AOPEP: variants seen among roughly 807,000 people sequenced by gnomAD.
AOPEP encodes aminopeptidase O.
A neutral mutation model predicts 98.1 loss-of-function variants in AOPEP; 77 were observed. That is an observed-to-expected ratio of 0.78 (90% CI 0.65 to 0.95). AOPEP has a LOEUF of 0.95. AOPEP is among the 40% of genes least tolerant of loss of function. The probability of loss-of-function intolerance (pLI) is 0.00; values close to 1 mark genes in which losing one functional copy is unlikely to be tolerated. For synonymous variants in AOPEP, 346 were observed against 365.3 expected (o/e 0.95, Z 0.60); for missense variants, 1,024 against 1,024.7 (o/e 1.00, Z 0.01).
chr9:94,924,633 C>G (rs544499194), intron 6 of AOPEP, among the ~76,000 whole-genome samples: 4 of 152,242 alleles, frequency 2.6e-5, no homozygotes, highest in African/African-American at 7.2e-5. Flanking sequence ...CCAGAGTCAT[C>G]TCAGATGTCT....
chr9:95,054,416 A>G (rs902313525), intron 13 of AOPEP, among the ~76,000 whole-genome samples: 1 of 152,208 alleles, frequency 6.6e-6, no homozygotes, highest in African/African-American at 2.4e-5. Context: ...GTTGTAAGAG[A>G]TCCAGTTGAC....
intron 10 of AOPEP, among the ~76,000 whole-genome samples, 173 bp from the exon 11 acceptor site, chr9:94,979,194 T>G (rs1370886329): frequency 6.6e-6 from 1 of 152,172 alleles, no homozygotes; most frequent in Non-Finnish European, 1.5e-5. Context: ...AGCGGTCTCA[T>G]GTGACTGGGC....
chr9:95,046,843 A>C (rs1006920178), intron 13 of AOPEP, among the ~76,000 whole-genome samples: 2 of 152,198 alleles, frequency 1.3e-5, no homozygotes, highest in Non-Finnish European at 2.9e-5. Flanking sequence ...ACTTCAGGAA[A>C]CTAAAGTTGT....
chr9:94,767,666 A>G (rs1839923428), intron 2 of AOPEP, among the ~76,000 whole-genome samples: 1 of 152,244 alleles, frequency 6.6e-6, no homozygotes, highest in African/African-American at 2.4e-5. Flanking sequence ...CAGATGAGAA[A>G]TAACTGTCTT....
intron 13 of AOPEP, among the ~76,000 whole-genome samples, chr9:95,034,008 TGTTA>T (rs958747481): frequency 5.9e-5 from 9 of 152,208 alleles, no homozygotes; most frequent in African/African-American, 2.2e-4. Flanking sequence ...TGCTGTCAGC[TGTTA>T]GTTCTGTGAG....
the AOPEP span, among the ~76,000 whole-genome samples, chr9:95,129,573 CT>C: frequency 3.9e-5 from 6 of 152,180 alleles, no homozygotes; most frequent in Non-Finnish European, 8.8e-5. Flanking sequence ...CGGCCATTAT[CT>C]TTTCTATAAA....
At chr9:94,788,061 ATTC>A (rs1844820230) in intron 3 of AOPEP, among the ~76,000 whole-genome samples, 1 of 151,868 alleles carries the variant, frequency 6.6e-6, no homozygotes, top group East Asian at 1.9e-4. Flanking sequence ...TTAGATCAGT[ATTC>A]TTCATTTATA....
the AOPEP span, among the ~76,000 whole-genome samples, chr9:95,120,121 T>C: frequency 2.0e-5 from 3 of 152,230 alleles, no homozygotes; most frequent in Admixed American, 6.5e-5. Context: ...TATCCTATGC[T>C]CTCTCTAGGG....
chr9:95,146,608 A>T, the AOPEP span, among the ~76,000 whole-genome samples: 9 of 152,264 alleles, frequency 5.9e-5, no homozygotes, highest in East Asian at 1.5e-3. Flanking sequence ...TTTTAAAATC[A>T]CATTGCATGT....
intron 3 of AOPEP, among the ~76,000 whole-genome samples, chr9:94,783,039 T>G (rs908004724): frequency 6.6e-6 from 1 of 152,224 alleles, no homozygotes; most frequent in Admixed American, 6.5e-5. Flanking sequence ...CACTCAAGTT[T>G]ACCTGTGACC....
downstream of AOPEP, among the ~76,000 whole-genome samples, chr9:95,087,381 A>C (rs546522888): frequency 8.1e-5 from 12 of 147,268 alleles, no homozygotes; most frequent in Admixed American, 5.6e-4. Context: ...TACTCGGGAG[A>C]CTGAGGCAGG....
chr9:94,874,015 G>A (rs545301960), intron 5 of AOPEP, among the ~76,000 whole-genome samples: 2 of 151,994 alleles, frequency 1.3e-5, no homozygotes, highest in Non-Finnish European at 1.5e-5. Context: ...AAGAATGATA[G>A]GAAACATGTA....
At chr9:94,771,059 A>G (rs1840756760) in intron 2 of AOPEP, among the ~76,000 whole-genome samples, 1 of 152,106 alleles carries the variant, frequency 6.6e-6, no homozygotes, top group Non-Finnish European at 1.5e-5. Flanking sequence ...TCTTTGGGGA[A>G]GTGGTATGGA....
chr9:94,960,893 T>C (rs1403831753), intron 9 of AOPEP, among the ~76,000 whole-genome samples: 2 of 151,788 alleles, frequency 1.3e-5, no homozygotes, highest in Non-Finnish European at 2.9e-5. Context: ...GCGCCTGTAG[T>C]CCCAGCTACT....
intron 16 of AOPEP, chr9:95,085,913 C>G: frequency 2.4e-6 from 3 of 1,238,726 alleles, no homozygotes; most frequent in Non-Finnish European, 3.1e-6. Flanking sequence ...GCGGTGAACT[C>G]TCTCTTGTAT....
chr9:94,928,202 A>G (rs1294631600), intron 6 of AOPEP, among the ~76,000 whole-genome samples: 1 of 152,090 alleles, frequency 6.6e-6, no homozygotes, highest in Non-Finnish European at 1.5e-5. Flanking sequence ...TCCGCCAAAC[A>G]GCAGGCCCAG....
At chr9:94,760,811 T>G (rs1162456702) in intron 2 of AOPEP, 1 of 377,238 alleles carries the variant, frequency 2.7e-6, no homozygotes, top group Admixed American at 4.1e-5. Context: ...AAGCCCTCCC[T>G]ATTTCTGAGT....
At chr9:94,819,078 C>T (rs957377484) in intron 5 of AOPEP, among the ~76,000 whole-genome samples, 4 of 152,242 alleles carry the variant, frequency 2.6e-5, no homozygotes, top group Non-Finnish European at 4.4e-5. Context: ...CTGGATTAAA[C>T]TAGACTATCC....
chr9:94,777,625 CTTTTTTTTTTTT>C (rs34067261), intron 3 of AOPEP, among the ~76,000 whole-genome samples: 1 of 94,182 alleles, frequency 1.1e-5, no homozygotes, highest in African/African-American at 4.6e-5. Flanking sequence ...ATTATATAAT[CTTTTTTTTTTTT>C]TTTTTTTTTT....
Sources: gnomAD v4.1 joint callset for allele counts (sites outside exome capture counted in the v4.1 genomes callset) on GRCh38, gnomAD v4.1.1 for gene constraint, MANE v1.5 for transcripts, NCBI Gene and HGNC (gene_info 2026-07-23, HGNC 2026-07-21) for gene names.